The following GRIN2D variants were observed in gnomAD, a reference collection of about 807,000 sequenced individuals.
The protein encoded by GRIN2D is glutamate ionotropic receptor NMDA type subunit 2D, also known as glutamate receptor ionotropic, NMDA 2D.
In GRIN2D, 37 loss-of-function variants were observed where a neutral mutation model predicts 103.2. The observed-to-expected ratio is 0.36, with a 90% CI of 0.28 to 0.47. The LOEUF is 0.47. Among genes scored for constraint, GRIN2D ranks in the 20% least tolerant of loss-of-function variants. GRIN2D has a pLI of 1.00. For missense variants in GRIN2D, 1,557 were observed against 1,910.6 expected (o/e 0.81, Z 3.45); for synonymous variants, 845 against 885.6 (o/e 0.95, Z 0.81).
In GRIN2D at chr19:48,414,057, C is replaced by T. The variant is rs755460381; in HGVS notation, c.1152C>T (p.Asn384=). 5.6e-6 allele frequency: 9 copies of T among 1,613,044 alleles called. No homozygotes were observed. Among genetic ancestry groups the T allele is most frequent in the Non-Finnish European group, 7.6e-6 (9 of 1,179,050 alleles). Reference sequence around the variant, plus strand: ...TCAATGAGGACGGCTTCCTAGTGAACCCCTCCCTGGTGGTCATCTCCCTCA... The same window carrying T: ...TCAATGAGGACGGCTTCCTAGTGAATCCCTCCCTGGTGGTCATCTCCCTCA... ...YSFNEDGFLV[N]PSLVVISLTR... is the part of the protein sequence containing the mutation. Residue 384 remains asparagine (N), a synonymous_variant, in exon 5 of 14, where the codon AAC becomes AAT. Coordinates refer to ENST00000263269, the MANE Select transcript of GRIN2D (RefSeq NM_000836.4). The surrounding 1 kb of genome is among the most constrained non-coding windows in gnomAD (Gnocchi z 4.6).
At position 48,416,557 on chromosome 19, in the gene GRIN2D, A is replaced by G. The variant is rs191459353; in HGVS notation, c.1735+402A>G. Among the ~76,000 whole-genome samples, 3 of 152,302 alleles carry G rather than the reference A, an allele frequency of 2.0e-5. No homozygotes were observed. In the East Asian group the frequency reaches 5.8e-4, roughly 29 times the overall value. The stretch of plus-strand genomic sequence containing the variant: ...TATGAGATGAAGAGAACAAATTAGC[A>G]TGGTACCAATACCTTGTAAGCACTT... On this transcript the variant is annotated intron_variant, in intron 8 of 13. Coordinates refer to ENST00000263269, the MANE Select transcript of GRIN2D (RefSeq NM_000836.4).
chr19:48,414,325 A>G lies in GRIN2D; in HGVS notation c.1201-48A>G, dbSNP rs1372452735. ...AAGAGGATCATGGAGGCCAGGATAC[A>G]CCGGGAAGTCTTCCCAGGAAGCCTG... On this transcript the variant is annotated intron_variant, in intron 5 of 13. Transcript: ENST00000263269. The surrounding 1 kb of genome is among the most constrained non-coding windows in gnomAD (Gnocchi z 4.6). 6 of 1,451,314 alleles carry G rather than the reference A, an allele frequency of 4.1e-6. No individual in the cohort carries two copies. In the East Asian group the frequency reaches 1.4e-4, roughly 35 times the overall value. The allele number at this position is 1,451,314 out of a possible 1,614,324, so 89.9% of individuals were successfully genotyped here. A position where few individuals can be genotyped will look rare whatever the true frequency, so the allele number is the denominator to read the frequency against.
intron 11 of GRIN2D, among the ~76,000 whole-genome samples, chr19:48,426,659 A>C (rs920933693): frequency 4.6e-5 from 7 of 150,676 alleles, no homozygotes; most frequent in African/African-American, 1.7e-4. Context: ...ATCTCTGCTC[A>C]CTGCAACCTC....
In GRIN2D at chr19:48,442,405, G is replaced by A; in HGVS notation, c.2673+23G>A. 6.3e-7 allele frequency: 1 copy of A among 1,592,516 alleles called. No individual in the cohort carries two copies. Among genetic ancestry groups the A allele is most frequent in the Non-Finnish European group, 8.6e-7 (1 of 1,167,870 alleles). On this transcript the variant is annotated intron_variant, in intron 13 of 13. Coordinates refer to ENST00000263269, the MANE Select transcript of GRIN2D (RefSeq NM_000836.4). The surrounding 1 kb of genome is among the most constrained non-coding windows in gnomAD (Gnocchi z 7.2). ...AGGGTATGGGGCAGAGAGGGAGGCA[G>A]AGAGGGGGAGATGGCAGGGGCGGGG...
Position 48,443,844 on chromosome 19 carries a change from G to C in GRIN2D, c.3918G>C (p.Pro1306=), listed in dbSNP as rs1347811735. ...CGCACGCCGCGCACTGGGGGCCGCC[G>C]CTGCCCACAGCTTCCCACCGGAGAC... is the stretch of plus-strand genomic sequence containing the variant. The part of the protein sequence containing the change: ...RCPHAAHWGP[P]LPTASHRRHR... The change falls in exon 14 of 14, where the codon CCG becomes CCC. Residue 1306 remains proline, a synonymous_variant. Transcript: ENST00000263269. The surrounding 1 kb of genome is among the most constrained non-coding windows in gnomAD (Gnocchi z 8.9). The C allele has an allele frequency of 8.1e-6, 12 of 1,483,450 alleles. No homozygotes were observed. The South Asian group carries it at 1.0e-4, about 13-fold the overall frequency. The allele number at this position is 1,483,450 out of a possible 1,614,324, so 91.9% of individuals were successfully genotyped here.
intron 8 of GRIN2D, among the ~76,000 whole-genome samples, chr19:48,417,400 G>A (rs1970961553): frequency 6.6e-6 from 1 of 152,164 alleles, no homozygotes; most frequent in Non-Finnish European, 1.5e-5. Flanking sequence ...AGATGGGCTG[G>A]TGGCTTTGAG....
chr19:48,414,447 A>T lies in GRIN2D; in HGVS notation c.1275A>T (p.Pro425=). Residue 425 remains proline (P), a synonymous_variant, in exon 6 of 14, where the codon CCA becomes CCT. Transcript: ENST00000263269. The surrounding 1 kb of genome is among the most constrained non-coding windows in gnomAD (Gnocchi z 4.6). ...LWSRYGRFLQ[P]VDDTQHLTVA... The stretch of plus-strand genomic sequence containing the variant: ...CCCGCTATGGTCGCTTCCTGCAGCC[A>T]GTGGACGACACGCAGCACCTCACGG... The T allele has an allele frequency of 1.2e-6, 2 of 1,608,826 alleles. No individual in the cohort carries two copies. The highest frequency in any genetic ancestry group is 1.3e-5 in the African/African-American group (1 of 74,952).
At position 48,442,872 on chromosome 19, in the gene GRIN2D, G is replaced by T. The variant is rs980228634; in HGVS notation, c.2946G>T (p.Ala982=). Reference sequence around the variant, plus strand: ...GCCTCGGCCTGGGCGAAGCGCGCGCGGCACCGCGGGGCGCAGCCGGGCGCC... The same window carrying T: ...GCCTCGGCCTGGGCGAAGCGCGCGCTGCACCGCGGGGCGCAGCCGGGCGCC... ...GLGLGLGEAR[A]APRGAAGRPL... The change falls in exon 14 of 14, where the codon GCG becomes GCT. Residue 982 remains alanine, a synonymous_variant. Coordinates refer to ENST00000263269, the MANE Select transcript of GRIN2D (RefSeq NM_000836.4). This position sits in a 1 kb window ranked among gnomAD's most constrained non-coding sequence, Gnocchi z 7.2. The T allele has an allele frequency of 2.3e-5, 25 of 1,084,038 alleles. No homozygotes were observed. The highest frequency in any genetic ancestry group is 3.4e-5 in the African/African-American group (2 of 58,646). The allele number at this position is 1,084,038 out of a possible 1,614,324, so 67.2% of individuals were successfully genotyped here.
intron 11 of GRIN2D, among the ~76,000 whole-genome samples, chr19:48,438,067 T>C (rs1260563917): frequency 2.0e-5 from 3 of 152,208 alleles, no homozygotes; most frequent in South Asian, 2.1e-4. Context: ...CCACTTAGCA[T>C]GTATGGACTA....
chr19:48,419,492 G>A (rs778344693), intron 9 of GRIN2D, 93 bp from the exon 10 acceptor site: 47 of 1,380,282 alleles, frequency 3.4e-5, no homozygotes, highest in Non-Finnish European at 3.4e-5. Flanking sequence ...TGCCTTGAGG[G>A]CCACTGGGAA....
chr19:48,443,923 G>C lies in GRIN2D; in HGVS notation c.3997G>C (p.Glu1333Gln), dbSNP rs1370290843. The C allele has an allele frequency of 1.2e-5, 17 of 1,435,068 alleles. No homozygotes were observed. Among genetic ancestry groups the C allele is most frequent in the Non-Finnish European group, 1.5e-5 (16 of 1,095,684 alleles). The allele number at this position is 1,435,068 out of a possible 1,614,324, so 88.9% of individuals were successfully genotyped here. ...RRGSAHFSSLESEV is the reference protein window; with the variant it reads ...RRGSAHFSSLQSEV ...GGGCTCGGCGCACTTCTCTAGCCTCGAGTCCGAGGTATGACGCGGCCCCGG... is the reference window on the plus strand; with the variant it reads ...GGGCTCGGCGCACTTCTCTAGCCTCCAGTCCGAGGTATGACGCGGCCCCGG... Residue 1333 changes from glutamate to glutamine, a missense_variant, in exon 14 of 14, where the codon GAG becomes CAG. Transcript: ENST00000263269. The surrounding 1 kb of genome is among the most constrained non-coding windows in gnomAD (Gnocchi z 8.9).
chr19:48,439,213 A>AC (rs1971264453), intron 11 of GRIN2D, among the ~76,000 whole-genome samples: 1 of 150,672 alleles, frequency 6.6e-6, no homozygotes, highest in South Asian at 2.1e-4. Flanking sequence ...ACAGAGTGAG[A>AC]CCCCATCTCT....
At position 48,414,983 on chromosome 19, in the gene GRIN2D, G is replaced by A; in HGVS notation, c.1532G>A (p.Gly511Asp). Residue 511 changes from glycine (G) to aspartate (D), a missense_variant, in exon 7 of 14, where the codon GGC becomes GAC. Coordinates refer to ENST00000263269, the MANE Select transcript of GRIN2D (RefSeq NM_000836.4). The surrounding 1 kb of genome is among the most constrained non-coding windows in gnomAD (Gnocchi z 4.6). The stretch of plus-strand genomic sequence containing the variant: ...TACGACCTCTACCTGGTCACCAATG[G>A]CAAGCACGGAAAGAAGATCGATGGC... Reference protein sequence around the residue: ...FSYDLYLVTNGKHGKKIDGVW... With the variant: ...FSYDLYLVTNDKHGKKIDGVW... 6.2e-7 allele frequency: 1 copy of A among 1,610,758 alleles called. No homozygotes were observed. Among genetic ancestry groups the A allele is most frequent in the Non-Finnish European group, 8.5e-7 (1 of 1,177,798 alleles).
chr19:48,417,859 G>A (rs1970966351), intron 8 of GRIN2D, among the ~76,000 whole-genome samples: 1 of 152,088 alleles, frequency 6.6e-6, no homozygotes, highest in Admixed American at 6.6e-5. Context: ...TCAATGAAAT[G>A]GTGATTTGGG....
intron 3 of GRIN2D, among the ~76,000 whole-genome samples, chr19:48,403,763 C>T: frequency 6.6e-6 from 1 of 152,180 alleles, no homozygotes; most frequent in East Asian, 1.9e-4. Context: ...TCAGCACCCT[C>T]ATTGCATGCT....
rs4009666 is a variant in GRIN2D at position 48,410,527 on chromosome 19, CAAAAA to C, written c.1086-3444_1086-3440del. Among the ~76,000 whole-genome samples the C allele has an allele frequency of 1.1e-4, 5 of 45,418 alleles. No individual in the cohort carries two copies. The South Asian group carries it at 4.0e-3, about 36-fold the overall frequency. The allele number at this position is 45,418 out of a possible 152,430, so 29.8% of individuals were successfully genotyped here. A position where few individuals can be genotyped will look rare whatever the true frequency, so the allele number is the denominator to read the frequency against. On this transcript the variant is annotated intron_variant, in intron 4 of 13. Coordinates refer to ENST00000263269, the MANE Select transcript of GRIN2D (RefSeq NM_000836.4). The stretch of plus-strand genomic sequence containing the variant: ...TGGGCAACAGAGTGAGACTCTGACT[CAAAAA>C]AAAAAAAAAAAAAAAAAAAGCAGTC...
At chr19:48,396,908 T>C (rs1157715912) in intron 2 of GRIN2D, among the ~76,000 whole-genome samples, 1 of 152,050 alleles carries the variant, frequency 6.6e-6, no homozygotes, top group Non-Finnish European at 1.5e-5. Flanking sequence ...CGGACTCCAG[T>C]CCTTCTCTGG....
At chr19:48,432,997 G>A (rs1456112149) in intron 11 of GRIN2D, among the ~76,000 whole-genome samples, 2 of 147,710 alleles carry the variant, frequency 1.4e-5, no homozygotes, top group Non-Finnish European at 3.0e-5. Context: ...CACCATGTTG[G>A]CCAGGCTGGT....
chr19:48,409,638 A>C (rs1233074005), intron 4 of GRIN2D, among the ~76,000 whole-genome samples: 1 of 152,144 alleles, frequency 6.6e-6, no homozygotes, highest in African/African-American at 2.4e-5. Context: ...CCTGTTCGGA[A>C]GCCTGTTTGG....
Sources: allele counts gnomAD v4.1 joint callset (sites outside exome capture counted in the v4.1 genomes callset), GRCh38; gene constraint gnomAD v4.1.1; non-coding constraint Gnocchi (gnomAD v3.1); transcripts MANE v1.5; gene names NCBI Gene and HGNC (gene_info 2026-07-23, HGNC 2026-07-21).